Variants in PCDH15 observed in about 807,000 individuals in gnomAD.
The protein encoded by PCDH15 is protocadherin-15.
A neutral mutation model predicts 178.5 loss-of-function variants in PCDH15; 129 were observed. That is an observed-to-expected ratio of 0.72 (90% CI 0.63 to 0.84). The LOEUF (loss-of-function observed/expected upper bound fraction) is 0.84, where lower values mean the gene tolerates loss of function less well. Among genes scored for constraint, PCDH15 ranks in the 40% least tolerant of loss-of-function variants. The pLI, the probability that PCDH15 is intolerant of heterozygous loss-of-function variation, is 0.00. For missense variants in PCDH15, 2,230 were observed against 2,099.9 expected (o/e 1.06, Z -1.21); for synonymous variants, 800 against 732.0 (o/e 1.09, Z -1.50).
At chr10:54,235,512 C>T (rs1591339864) in intron 9 of PCDH15, among the ~76,000 whole-genome samples, 1 of 152,098 alleles carries the variant, frequency 6.6e-6, no homozygotes, top group South Asian at 2.1e-4. Context: ...AGATAATTGT[C>T]TCTCTTTTTC....
intron 2 of PCDH15, among the ~76,000 whole-genome samples, chr10:55,361,466 A>T (rs1845228622): frequency 1.3e-5 from 2 of 152,046 alleles, no homozygotes; most frequent in African/African-American, 4.8e-5. Flanking sequence ...ACGATTAGAA[A>T]TTTGATAAGC....
intron 20 of PCDH15, among the ~76,000 whole-genome samples, chr10:54,011,421 G>A (rs1454745688): frequency 1.3e-5 from 2 of 152,150 alleles, no homozygotes; most frequent in Admixed American, 1.3e-4. Context: ...CACAGCCACA[G>A]CCAAGGTCCC....
intron 2 of PCDH15, among the ~76,000 whole-genome samples, chr10:54,916,842 C>A (rs1421597380): frequency 6.6e-6 from 1 of 151,046 alleles, no homozygotes; most frequent in Non-Finnish European, 1.5e-5. Context: ...TTTCTAGCAA[C>A]AGGGAAAGGG....
At chr10:54,023,229 C>T (rs779837063) in intron 18 of PCDH15, 32 bp from the exon 19 acceptor site, 32 of 1,598,914 alleles carry the variant, frequency 2.0e-5, no homozygotes, top group Non-Finnish European at 2.7e-5. Context: ...CAAAAAAATT[C>T]ACGTAAGTTT....
At chr10:54,261,576 T>C (rs1430030005) in intron 8 of PCDH15, among the ~76,000 whole-genome samples, 1 of 152,128 alleles carries the variant, frequency 6.6e-6, no homozygotes, top group Admixed American at 6.6e-5. Context: ...GATTTGTACC[T>C]GATAACCTGT....
chr10:54,236,596 T>C lies in PCDH15; in HGVS notation c.985+227A>G, dbSNP rs12260476. Among the ~76,000 whole-genome samples the C allele has an allele frequency of 0.055, 8,300 of 152,240 alleles. 561 individuals are homozygous for C. Among genetic ancestry groups the C allele is most frequent in the African/African-American group, 0.17 (6,881 of 41,530 alleles). On this transcript the variant is annotated intron_variant, in intron 9 of 37. Coordinates refer to ENST00000644397, the MANE Select transcript of PCDH15 (RefSeq NM_001384140.1). ...AATTTCCTAATATTTTGAATTGCTT[T>C]GCTTCTTCCATAAAAGTTATTCATT...
At chr10:54,666,041 C>T (rs1354521971) in intron 1 of PCDH15, among the ~76,000 whole-genome samples, 1 of 151,892 alleles carries the variant, frequency 6.6e-6, no homozygotes, top group Non-Finnish European at 1.5e-5. Flanking sequence ...TTCTCATTAT[C>T]ATAATGGATA....
intron 2 of PCDH15, among the ~76,000 whole-genome samples, chr10:54,988,781 G>C (rs1839432973): frequency 6.6e-6 from 1 of 152,112 alleles, no homozygotes; most frequent in Non-Finnish European, 1.5e-5. Flanking sequence ...AATGTGATAG[G>C]ACAGAAAATC....
intron 2 of PCDH15, among the ~76,000 whole-genome samples, chr10:55,370,844 T>C (rs1462738252): frequency 6.6e-6 from 1 of 152,132 alleles, no homozygotes; most frequent in Non-Finnish European, 1.5e-5. Flanking sequence ...TGCAGTAGCA[T>C]AGCTATTACT....
In PCDH15 at chr10:54,006,031, G is replaced by T. The variant is rs541550593; in HGVS notation, c.2752-10266C>A. Among the ~76,000 whole-genome samples, 9 of 152,228 alleles carry T rather than the reference G, an allele frequency of 5.9e-5. No homozygotes were observed. The East Asian group carries it at 1.5e-3, about 26-fold the overall frequency. On this transcript the variant is annotated intron_variant, in intron 20 of 37. Transcript: ENST00000644397. ...ACGACATAATCAATGAAGGTTAAAA[G>T]TATATGAGAGAGGCACTTTCTGGTG...
intron 2 of PCDH15, among the ~76,000 whole-genome samples, chr10:55,063,522 A>G (rs1214681501): frequency 6.6e-6 from 1 of 152,120 alleles, no homozygotes; most frequent in Non-Finnish European, 1.5e-5. Context: ...AAGAATGGAC[A>G]TGGGGAGAAT....
At chr10:54,374,328 C>T (rs1161822250) in intron 4 of PCDH15, among the ~76,000 whole-genome samples, 1 of 152,042 alleles carries the variant, frequency 6.6e-6, no homozygotes, top group Non-Finnish European at 1.5e-5. Context: ...AGAAAAGAAG[C>T]TAAGATATTT....
chr10:53,894,715 A>G (rs2081832802), intron 26 of PCDH15, among the ~76,000 whole-genome samples: 1 of 152,208 alleles, frequency 6.6e-6, no homozygotes, highest in Non-Finnish European at 1.5e-5. Context: ...TTGTCACAGG[A>G]CACTTGACAT....
chr10:55,045,872 A>T (rs116815302), intron 2 of PCDH15, among the ~76,000 whole-genome samples: 152 of 152,128 alleles, frequency 1.0e-3, no homozygotes, highest in African/African-American at 3.5e-3. Context: ...CACAAAATTA[A>T]TGTCCTTTTT....
chr10:53,869,179 G>A (rs2079656386), intron 26 of PCDH15, among the ~76,000 whole-genome samples: 1 of 152,166 alleles, frequency 6.6e-6, no homozygotes, highest in Admixed American at 6.5e-5. Flanking sequence ...ATGGCTTACA[G>A]CATGGCAGAG....
chr10:54,541,475 A>C (rs1565547759), intron 2 of PCDH15, among the ~76,000 whole-genome samples: 1 of 152,172 alleles, frequency 6.6e-6, no homozygotes, highest in Non-Finnish European at 1.5e-5. Flanking sequence ...TTATAAATAA[A>C]CTAAAAATAA....
chr10:54,599,391 A>G (rs1590385603), intron 2 of PCDH15, among the ~76,000 whole-genome samples: 1 of 152,222 alleles, frequency 6.6e-6, no homozygotes, highest in East Asian at 1.9e-4. Flanking sequence ...AAACTGACAA[A>G]AAATAAGTAA....
chr10:54,515,742 A>T (rs574180720), intron 3 of PCDH15, among the ~76,000 whole-genome samples: 2 of 152,226 alleles, frequency 1.3e-5, no homozygotes, highest in Non-Finnish European at 2.9e-5. Flanking sequence ...GTAGGGGCAG[A>T]CTGACACCTC....
At chr10:55,470,687 A>G (rs563494198) in intron 2 of PCDH15, among the ~76,000 whole-genome samples, 2 of 152,148 alleles carry the variant, frequency 1.3e-5, no homozygotes. Flanking sequence ...CACGGTTTAC[A>G]TTAGAGTTGA....
Sources: allele counts gnomAD v4.1 joint callset (sites outside exome capture counted in the v4.1 genomes callset), GRCh38; gene constraint gnomAD v4.1.1; transcripts MANE v1.5; gene names NCBI Gene and HGNC (gene_info 2026-07-23, HGNC 2026-07-21).